RUNX1: variants seen among roughly 807,000 people sequenced by gnomAD.
RUNX1 encodes the protein RUNX family transcription factor 1, also known as runt-related transcription factor 1.
A neutral mutation model predicts 42.8 loss-of-function variants in RUNX1; 19 were observed. The ratio of observed to expected loss-of-function variants is 0.44; its 90% CI spans 0.31 to 0.65. The LOEUF is 0.65. RUNX1 is among the 30% of genes least tolerant of loss of function. The pLI is 0.07. For missense variants in RUNX1, 528 were observed against 672.0 expected, an observed-to-expected ratio of 0.79 and a Z score of 2.37; for synonymous variants, 271 against 289.4, an observed-to-expected ratio of 0.94 and a Z score of 0.64.
chr21:35,017,301 C>T (rs1714778479), intron 2 of RUNX1, among the ~76,000 whole-genome samples: 1 of 152,146 alleles, frequency 6.6e-6, no homozygotes, highest in African/African-American at 2.4e-5. Context: ...AAATAATTCT[C>T]ACAACCTATG....
intron 2 of RUNX1, among the ~76,000 whole-genome samples, chr21:35,045,085 C>T (rs1447124409): frequency 2.0e-5 from 3 of 152,200 alleles, no homozygotes; most frequent in Non-Finnish European, 4.4e-5. Context: ...CTGCCATTTG[C>T]TCTTTTAACA....
intron 2 of RUNX1, among the ~76,000 whole-genome samples, chr21:34,936,746 T>C (rs1467554330): frequency 6.6e-6 from 1 of 152,042 alleles, no homozygotes; most frequent in African/African-American, 2.4e-5. Flanking sequence ...CCGGCTGGAG[T>C]GGAAAAGAAA....
chr21:35,041,895 T>G, intron 2 of RUNX1, among the ~76,000 whole-genome samples: 1 of 152,200 alleles, frequency 6.6e-6, no homozygotes, highest in East Asian at 1.9e-4. Context: ...AAGGGCCATT[T>G]GAAAGAAGGT....
At chr21:34,891,892 T>C (rs917128886) in intron 3 of RUNX1, among the ~76,000 whole-genome samples, 3 of 152,128 alleles carry the variant, frequency 2.0e-5, no homozygotes, top group African/African-American at 7.2e-5. Context: ...AATAATTTCA[T>C]TGGAAAACAG....
intron 8 of RUNX1, among the ~76,000 whole-genome samples, chr21:34,798,845 A>G (rs537974650): frequency 1.8e-3 from 270 of 152,216 alleles, no homozygotes; most frequent in Middle Eastern, 0.017. Context: ...TCCTGGAACC[A>G]GTCCTCCATG....
At chr21:34,911,068 A>G (rs1180274282) in intron 2 of RUNX1, among the ~76,000 whole-genome samples, 1 of 152,126 alleles carries the variant, frequency 6.6e-6, no homozygotes, top group Non-Finnish European at 1.5e-5. Context: ...ATATCGCATA[A>G]TATTTCAGTA....
At chr21:35,018,314 C>T (rs2059174220) in intron 2 of RUNX1, among the ~76,000 whole-genome samples, 1 of 152,192 alleles carries the variant, frequency 6.6e-6, no homozygotes, top group Non-Finnish European at 1.5e-5. Context: ...GCATAAGTCA[C>T]TGCGCCTGGC....
At chr21:34,902,534 C>G (rs2058185411) in intron 2 of RUNX1, among the ~76,000 whole-genome samples, 2 of 152,176 alleles carry the variant, frequency 1.3e-5, no homozygotes, top group African/African-American at 4.8e-5. Flanking sequence ...ACATGAGATT[C>G]ACACACACAA....
intron 2 of RUNX1, among the ~76,000 whole-genome samples, chr21:34,972,649 C>T (rs908328516): frequency 6.6e-6 from 1 of 152,158 alleles, no homozygotes; most frequent in African/African-American, 2.4e-5. Context: ...TCTGTATAAG[C>T]AAGGTGTTGA....
chr21:35,011,233 G>A (rs1195758695), intron 2 of RUNX1, among the ~76,000 whole-genome samples: 2 of 152,132 alleles, frequency 1.3e-5, no homozygotes, highest in Non-Finnish European at 2.9e-5. Flanking sequence ...ACAGGGAAAG[G>A]GTTAAGTAGT....
chr21:34,987,490 G>T (rs1316702432), intron 2 of RUNX1, among the ~76,000 whole-genome samples: 1 of 152,166 alleles, frequency 6.6e-6, no homozygotes, highest in East Asian at 1.9e-4. Flanking sequence ...AAGTGAGGGG[G>T]CTTTGTAAAA....
intron 2 of RUNX1, among the ~76,000 whole-genome samples, chr21:34,987,110 A>C (rs2146812984): frequency 6.6e-6 from 1 of 152,310 alleles, no homozygotes; most frequent in South Asian, 2.1e-4. Context: ...TGTTACTTTG[A>C]ACTTCAATCA....
Position 34,963,266 on chromosome 21 carries a change from T to C in RUNX1, c.59-70303A>G, listed in dbSNP as rs112136521. 3.5e-3 allele frequency among the ~76,000 whole-genome samples: 539 copies of C among 152,268 alleles called. 1 individual carries two copies. The highest frequency in any genetic ancestry group is 0.012 in the African/African-American group (499 of 41,538). On this transcript the variant is annotated intron_variant, in intron 2 of 8. Transcript: ENST00000675419. ...CCACTGCTCTGTGTTTATGGCCAACTGGGACGAAGGTGCTGGGTCCACGTG... is the reference window on the plus strand; with the variant it reads ...CCACTGCTCTGTGTTTATGGCCAACCGGGACGAAGGTGCTGGGTCCACGTG...
intron 5 of RUNX1, among the ~76,000 whole-genome samples, chr21:34,867,397 G>A (rs1336034639): frequency 6.6e-6 from 1 of 152,112 alleles, no homozygotes; most frequent in East Asian, 1.9e-4. Context: ...CCGAGATCAC[G>A]CCACTGCACT....
At chr21:34,936,736 C>A (rs998218860) in intron 2 of RUNX1, among the ~76,000 whole-genome samples, 2 of 152,152 alleles carry the variant, frequency 1.3e-5, no homozygotes, top group African/African-American at 2.4e-5. Flanking sequence ...GCTGTAATTG[C>A]CGGCTGGAGT....
chr21:34,947,691 C>CT (rs1156344238), intron 2 of RUNX1, among the ~76,000 whole-genome samples: 1 of 152,150 alleles, frequency 6.6e-6, no homozygotes, highest in Non-Finnish European at 1.5e-5. Flanking sequence ...GCACAAAAGA[C>CT]TTTTTTCCTC....
At chr21:34,837,602 C>G (rs113952830) in intron 6 of RUNX1, among the ~76,000 whole-genome samples, 1 of 152,184 alleles carries the variant, frequency 6.6e-6, no homozygotes, top group Non-Finnish European at 1.5e-5. Context: ...ATTTGCCCCC[C>G]GAATGTTAAA....
intron 2 of RUNX1, among the ~76,000 whole-genome samples, chr21:35,047,592 C>CTG (rs1297984949): frequency 4.0e-5 from 6 of 149,904 alleles, no homozygotes; most frequent in Non-Finnish European, 7.4e-5. Context: ...CTCTCTCTCT[C>CTG]TCTCTCATCA....
intron 2 of RUNX1, among the ~76,000 whole-genome samples, chr21:34,968,432 G>A (rs1225372499): frequency 6.6e-6 from 1 of 152,148 alleles, no homozygotes; most frequent in Admixed American, 6.5e-5. Context: ...GGGGCAGCCA[G>A]CACGGAAGAG....
Sources: allele counts gnomAD v4.1 joint callset (sites outside exome capture counted in the v4.1 genomes callset), GRCh38; gene constraint gnomAD v4.1.1; transcripts MANE v1.5; gene names NCBI Gene and HGNC (gene_info 2026-07-23, HGNC 2026-07-21).